The following UPF2 variants were observed in gnomAD, a reference collection of about 807,000 sequenced individuals.
UPF2 encodes UPF2 regulator of nonsense mediated mRNA decay.
In UPF2, 17 loss-of-function variants were observed where a neutral mutation model predicts 141.4. That is an observed-to-expected ratio of 0.12 (90% CI 0.08 to 0.18). UPF2 has a LOEUF of 0.18. Ranked by LOEUF, UPF2 falls within the 10% of genes least tolerant of loss-of-function variation. The pLI, the probability that UPF2 is intolerant of heterozygous loss-of-function variation, is 1.00. For missense variants in UPF2, 1,152 were observed against 1,515.9 expected (o/e 0.76, Z 3.99); for synonymous variants, 540 against 498.0 (o/e 1.08, Z -1.12).
intron 11 of UPF2, among the ~76,000 whole-genome samples, chr10:11,963,474 CT>C (rs1833272028): frequency 6.6e-6 from 1 of 152,130 alleles, no homozygotes; most frequent in Admixed American, 6.5e-5. Context: ...GTAGTTGGGA[CT>C]ACAGGAAAGC....
chr10:11,994,086 A>C (rs1470422336), intron 8 of UPF2, among the ~76,000 whole-genome samples: 1 of 152,182 alleles, frequency 6.6e-6, no homozygotes, highest in Non-Finnish European at 1.5e-5. Context: ...GAAGAAACCC[A>C]AAAGAAGAAA....
At position 11,980,933 on chromosome 10, in the gene UPF2, A is replaced by C. The variant is rs1833581234; in HGVS notation, c.1845-1768T>G. Among the ~76,000 whole-genome samples, 2 of 152,110 alleles carry C rather than the reference A, an allele frequency of 1.3e-5. No individual in the cohort carries two copies. The highest frequency in any genetic ancestry group is 1.5e-5 in the Non-Finnish European group (1 of 68,026). On this transcript the variant is annotated intron_variant, in intron 8 of 21. Transcript: ENST00000357604. This position sits in a 1 kb window ranked among gnomAD's most constrained non-coding sequence, Gnocchi z 4.2. ...GTTAGGCTGGGCATGGTGGTCAATA[A>C]TCCCAGCACTTTGGCAGGCTGAGAC...
At chr10:11,941,505 T>G (rs1221018221) in intron 18 of UPF2, among the ~76,000 whole-genome samples, 2 of 152,128 alleles carry the variant, frequency 1.3e-5, no homozygotes, top group Non-Finnish European at 2.9e-5. Context: ...AAATCCAATA[T>G]TTCAACTCTA....
At chr10:11,993,014 G>A (rs1287924815) in intron 8 of UPF2, among the ~76,000 whole-genome samples, 2 of 152,006 alleles carry the variant, frequency 1.3e-5, no homozygotes, top group African/African-American at 4.8e-5. Flanking sequence ...CCCGGGCGTG[G>A]TGGTACACGC....
chr10:11,933,098 T>G (rs1359228989), intron 19 of UPF2, among the ~76,000 whole-genome samples: 3 of 152,208 alleles, frequency 2.0e-5, no homozygotes, highest in African/African-American at 7.2e-5. Context: ...CTGCAACTAC[T>G]CACTTCATTG....
At chr10:12,024,628 T>C (rs2131300981) in intron 3 of UPF2, among the ~76,000 whole-genome samples, 1 of 150,710 alleles carries the variant, frequency 6.6e-6, no homozygotes, top group East Asian at 2.0e-4. Flanking sequence ...AATTAATTTA[T>C]TTATTAATTA....
chr10:11,998,137 T>C lies in UPF2; in HGVS notation c.1759-380A>G, dbSNP rs191115760. 7.2e-5 allele frequency among the ~76,000 whole-genome samples: 11 copies of C among 152,292 alleles called. No homozygotes were observed. The East Asian group carries it at 7.7e-4, about 11-fold the overall frequency. ...GTTTAGAAAGCAATACCCCAAAATA[T>C]GGCTCTTTGGATGCTGAGTACTTCA... On this transcript the variant is annotated intron_variant, in intron 7 of 21. Transcript: ENST00000357604. This position sits in a 1 kb window ranked among gnomAD's most constrained non-coding sequence, Gnocchi z 4.5.
chr10:12,032,293 G>A (rs1834538459), intron 2 of UPF2, among the ~76,000 whole-genome samples: 1 of 132,774 alleles, frequency 7.5e-6, no homozygotes, highest in African/African-American at 2.8e-5. Context: ...AAACAACTCT[G>A]TCTCAAAAAA....
chr10:11,924,017 TGTAA>T (rs1832680237), intron 21 of UPF2, among the ~76,000 whole-genome samples: 1 of 152,048 alleles, frequency 6.6e-6, no homozygotes, highest in Non-Finnish European at 1.5e-5. Context: ...ATCTAAGCCA[TGTAA>T]GTATTAACAC....
chr10:11,988,104 T>A (rs1189630380), intron 8 of UPF2, among the ~76,000 whole-genome samples: 1 of 152,180 alleles, frequency 6.6e-6, no homozygotes, highest in Non-Finnish European at 1.5e-5. Flanking sequence ...AGGCTGTGAA[T>A]AGATACTTCT....
At chr10:11,955,927 C>T (rs1051337187) in intron 13 of UPF2, among the ~76,000 whole-genome samples, 5 of 152,032 alleles carry the variant, frequency 3.3e-5, no homozygotes, top group South Asian at 2.1e-4. Flanking sequence ...TGATCACCTA[C>T]GGTCAGGAGT....
intron 5 of UPF2, among the ~76,000 whole-genome samples, chr10:12,003,618 G>C (rs1833987444): frequency 6.6e-6 from 1 of 152,096 alleles, no homozygotes; most frequent in African/African-American, 2.4e-5. Flanking sequence ...AGGCAGGAGA[G>C]TAAAATTAAC....
At chr10:11,930,878 A>G (rs1002984391) in intron 20 of UPF2, among the ~76,000 whole-genome samples, 2 of 152,226 alleles carry the variant, frequency 1.3e-5, no homozygotes, top group African/African-American at 4.8e-5. Flanking sequence ...ACTCTCCTGC[A>G]CAGATGGCGG....
At chr10:12,020,344 C>G (rs550678820) in intron 3 of UPF2, among the ~76,000 whole-genome samples, 1 of 151,496 alleles carries the variant, frequency 6.6e-6, no homozygotes, top group African/African-American at 2.4e-5. Context: ...CTCTGCCTCC[C>G]GGGTTCAAGC....
intron 1 of UPF2, among the ~76,000 whole-genome samples, chr10:12,040,498 G>A (rs527799055): frequency 1.3e-4 from 20 of 152,186 alleles, no homozygotes; most frequent in African/African-American, 4.8e-4. Flanking sequence ...CAGATTCTCC[G>A]TAAAACCCTT....
Position 11,972,479 on chromosome 10 carries a change from C to T in UPF2, c.1954-5025G>A, listed in dbSNP as rs568942497. Among the ~76,000 whole-genome samples, 4 of 152,254 alleles carry T rather than the reference C, an allele frequency of 2.6e-5. No individual in the cohort carries two copies. In the South Asian group the frequency reaches 6.2e-4, roughly 24 times the overall value. On this transcript the variant is annotated intron_variant, in intron 9 of 21. Coordinates refer to ENST00000357604, the MANE Select transcript of UPF2 (RefSeq NM_015542.4). ...ACATGTGCCATGTTGGTGTGCTGCA[C>T]CCGTTAACTCGTCATTTACATTAGG...
At chr10:11,954,982 T>A (rs952925801) in intron 14 of UPF2, among the ~76,000 whole-genome samples, 3 of 151,982 alleles carry the variant, frequency 2.0e-5, no homozygotes, top group Non-Finnish European at 1.5e-5. Context: ...ATAAACTGTA[T>A]GAAAACAACT....
chr10:11,951,542 G>T (rs192980616), intron 15 of UPF2, among the ~76,000 whole-genome samples: 1 of 152,248 alleles, frequency 6.6e-6, no homozygotes, highest in Admixed American at 6.5e-5. Context: ...GGATACTAAA[G>T]TATATAGAGA....
chr10:11,945,351 A>G (rs1832987705), intron 16 of UPF2, among the ~76,000 whole-genome samples: 1 of 152,244 alleles, frequency 6.6e-6, no homozygotes, highest in South Asian at 2.1e-4. Flanking sequence ...CTCAAAGTAA[A>G]TAACTGTAGA....
Sources: gnomAD v4.1 joint callset for allele counts (sites outside exome capture counted in the v4.1 genomes callset) on GRCh38, gnomAD v4.1.1 for gene constraint, Gnocchi (gnomAD v3.1) non-coding constraint, MANE v1.5 for transcripts, NCBI Gene and HGNC (gene_info 2026-07-23, HGNC 2026-07-21) for gene names.